RPL31: variants seen among roughly 807,000 people sequenced by gnomAD.
RPL31 encodes ribosomal protein L31.
For missense variants in RPL31, 95 were observed against 164.0 expected (o/e 0.58, Z 2.30); for synonymous variants, 51 against 55.0 (o/e 0.93, Z 0.32).
intron 4 of RPL31, chr2:101,017,708 A>G: frequency 2.6e-6 from 2 of 770,968 alleles, no homozygotes; most frequent in Non-Finnish European, 4.2e-6. Flanking sequence ...TCTAACAGAT[A>G]TCCATGGTAC....
chr2:101,019,196 A>G (rs1050667323), exon 5 of RPL31: 1 of 916,102 alleles, frequency 1.1e-6, no homozygotes, highest in Non-Finnish European at 1.6e-6. Flanking sequence ...CGGGGTTTCA[A>G]CAAGGTACTG....
chr2:101,010,014 G>A (rs536096014), downstream of RPL31, among the ~76,000 whole-genome samples: 97 of 151,866 alleles, frequency 6.4e-4, no homozygotes, highest in African/African-American at 2.3e-3. Context: ...TTTTAGTAGA[G>A]ACGGGGTTTC....
intron 4 of RPL31, among the ~76,000 whole-genome samples, chr2:101,014,099 TTAG>T (rs1234074465): frequency 2.4e-4 from 36 of 152,366 alleles, no homozygotes; most frequent in African/African-American, 8.4e-4. Context: ...ATCCAATTTC[TTAG>T]TGGTGGCTTC....
At chr2:101,010,941 G>A (rs761904454), downstream of RPL31, 3 of 1,610,142 alleles carry the variant, frequency 1.9e-6, no homozygotes, top group Admixed American at 5.0e-5. Context: ...GGCTCATTTT[G>A]GGCAATTCTT....
chr2:101,009,667 G>T (rs530492999), downstream of RPL31, among the ~76,000 whole-genome samples: 101 of 152,060 alleles, frequency 6.6e-4, no homozygotes, highest in African/African-American at 2.3e-3. Context: ...CACAGTAGAC[G>T]AGCAGCATTT....
Position 101,006,448 on chromosome 2 carries a change from CATAATGTACTTGTAT to C in RPL31, c.*69_*83del. 1 of 1,460,854 alleles carries C rather than the reference CATAATGTACTTGTAT, an allele frequency of 6.8e-7. No individual in the cohort carries two copies. The highest frequency in any genetic ancestry group is 9.4e-7 in the Non-Finnish European group (1 of 1,061,692). The allele number at this position is 1,460,854 out of a possible 1,614,324, so 90.5% of individuals were successfully genotyped here. A position where few individuals can be genotyped will look rare whatever the true frequency, so the allele number is the denominator to read the frequency against. ...ATGTTTTTGTTCTTTTTAGTTGCAACATAATGTACTTGTATACCCTATCCTAATTATGGGATCATT... is the reference window on the plus strand; with the variant it reads ...ATGTTTTTGTTCTTTTTAGTTGCAACACCCTATCCTAATTATGGGATCATT... On this transcript the variant is annotated 3_prime_UTR_variant, in exon 5 of 5. Transcript: ENST00000264258.
At chr2:101,006,263 A>G in intron 4 of RPL31, 87 bp from the exon 5 acceptor site, 1 of 1,552,234 alleles carries the variant, frequency 6.4e-7, no homozygotes, top group East Asian at 2.3e-5. Flanking sequence ...GGAAAATAGA[A>G]TGCCCAGACC....
At position 101,006,039 on chromosome 2, in the gene RPL31, T is replaced by C; in HGVS notation, c.314T>C (p.Leu105Ser). Residue 105 changes from leucine (L) to serine (S), a missense_variant, in exon 4 of 5, where the codon TTG becomes TCG. Physicochemically the swap from Leu to Ser is moderately radical, Grantham distance 145. Coordinates refer to ENST00000264258, the MANE Select transcript of RPL31 (RefSeq NM_000993.5). ...DEDSPNKLYT[L>S]VTYVPVTTFK... ...GATTCACCAAATAAGCTATATACTT[T>C]GGTTACCTATGTACCTGTTACCACT... 3 of 1,614,040 alleles carry C rather than the reference T, an allele frequency of 1.9e-6. No homozygotes were observed. Among genetic ancestry groups the C allele is most frequent in the Non-Finnish European group, 2.5e-6 (3 of 1,179,996 alleles).
downstream of RPL31, chr2:101,011,642 C>T (rs1679221362): frequency 8.1e-7 from 1 of 1,232,354 alleles, no homozygotes; most frequent in East Asian, 2.4e-5. Context: ...CCAGCAGCTC[C>T]CAGCCTGTGG....
At chr2:101,010,458 G>A (rs927403990), downstream of RPL31, among the ~76,000 whole-genome samples, 1 of 152,144 alleles carries the variant, frequency 6.6e-6, no homozygotes, top group Non-Finnish European at 1.5e-5. Context: ...GTTTTGAAGC[G>A]ATTTGAATAT....
downstream of RPL31, among the ~76,000 whole-genome samples, chr2:101,009,673 C>T (rs1679042366): frequency 6.6e-6 from 1 of 152,014 alleles, no homozygotes; most frequent in Non-Finnish European, 1.5e-5. Flanking sequence ...AGACGAGCAG[C>T]ATTTCTCAAA....
chr2:101,011,537 A>G, downstream of RPL31: 1 of 1,613,920 alleles, frequency 6.2e-7, no homozygotes, highest in Non-Finnish European at 8.5e-7. Flanking sequence ...ATTTTCAGTG[A>G]GTGCTTAAAA....
chr2:101,012,357 T>G (rs1679281554), intron 4 of RPL31, among the ~76,000 whole-genome samples: 1 of 152,212 alleles, frequency 6.6e-6, no homozygotes, highest in Non-Finnish European at 1.5e-5. Flanking sequence ...ATGGAATATT[T>G]GGCCATTAAA....
Position 101,006,358 on chromosome 2 carries a change from ACAGT to A in RPL31, c.358_361del (p.Val120MetfsTer8). 2 of 1,610,590 alleles carry A rather than the reference ACAGT, an allele frequency of 1.2e-6. No homozygotes were observed. Among genetic ancestry groups the A allele is most frequent in the Non-Finnish European group, 1.7e-6 (2 of 1,179,060 alleles). ...TGTTACTTCCTTTACAGATCTACAG[ACAGT>A]CAATGTGGATGAGAACTAATCGCTG... On this transcript the variant is annotated frameshift_variant, in exon 5 of 5. Coordinates refer to ENST00000264258, the MANE Select transcript of RPL31 (RefSeq NM_000993.5). LOFTEE classifies it high-confidence loss of function.
downstream of RPL31, among the ~76,000 whole-genome samples, chr2:101,011,774 G>T (rs1280055331): frequency 6.6e-6 from 1 of 152,162 alleles, no homozygotes; most frequent in African/African-American, 2.4e-5. Flanking sequence ...GGAGACTGTT[G>T]TAATTAACAA....
At chr2:101,003,542 A>G (rs1678617668) in intron 2 of RPL31, among the ~76,000 whole-genome samples, 2 of 152,158 alleles carry the variant, frequency 1.3e-5, no homozygotes, top group South Asian at 4.1e-4. Context: ...CATCTGATGT[A>G]CTCAATAGGT....
At chr2:101,009,457 T>C (rs1267250818), downstream of RPL31, among the ~76,000 whole-genome samples, 1 of 151,652 alleles carries the variant, frequency 6.6e-6, no homozygotes, top group Non-Finnish European at 1.5e-5. Context: ...AACAAATATT[T>C]ATTTGGGGGA....
Position 101,006,375 on chromosome 2 carries a change from G to C in RPL31, c.372G>C (p.Glu124Asp), listed in dbSNP as rs575102164. Reference protein sequence around the residue: ...FKNLQTVNVDEN With the variant: ...FKNLQTVNVDDN ...ATCTACAGACAGTCAATGTGGATGA[G>C]AACTAATCGCTGATCGTCAGATCAA... The change falls in exon 5 of 5, where the codon GAG (glutamate) becomes GAC (aspartate). Residue 124 changes from glutamate to aspartate, a missense_variant. Transcript: ENST00000264258. 4 of 1,610,288 alleles carry C rather than the reference G, an allele frequency of 2.5e-6. No homozygotes were observed. In the Admixed American group the frequency reaches 6.8e-5, roughly 27 times the overall value.
intron 4 of RPL31, 55 bp from the exon 5 acceptor site, chr2:101,006,295 G>A (rs762066135): frequency 1.3e-6 from 2 of 1,588,202 alleles, no homozygotes; most frequent in Non-Finnish European, 1.7e-6. Context: ...GGTTTTTAGA[G>A]TTGAAATATG....
Sources: gnomAD v4.1 joint callset for allele counts (sites outside exome capture counted in the v4.1 genomes callset) on GRCh38, gnomAD v4.1.1 for gene constraint, MANE v1.5 for transcripts, NCBI Gene and HGNC (gene_info 2026-07-23, HGNC 2026-07-21) for gene names.